The following USP8 variants were observed in gnomAD, a reference collection of about 807,000 sequenced individuals.
The protein encoded by USP8 is ubiquitin specific peptidase 8.
A neutral mutation model predicts 130.0 loss-of-function variants in USP8; 27 were observed. That is an observed-to-expected ratio of 0.21 (90% confidence interval 0.15 to 0.29). The LOEUF is 0.29. USP8 is among the 10% of genes least tolerant of loss of function. USP8 has a pLI of 1.00. For synonymous variants in USP8, 392 were observed against 444.1 expected, an observed-to-expected ratio of 0.88 and a Z score of 1.48; for missense variants, 1,029 against 1,312.2, an observed-to-expected ratio of 0.78 and a Z score of 3.33.
intron 1 of USP8, among the ~76,000 whole-genome samples, chr15:50,435,588 G>A (rs989735665): frequency 6.6e-6 from 1 of 152,100 alleles, no homozygotes; most frequent in South Asian, 2.1e-4. Flanking sequence ...TTTACCTTCT[G>A]TTTGACTTCT....
At chr15:50,498,343 G>A in intron 18 of USP8, 1 of 357,484 alleles carries the variant, frequency 2.8e-6, no homozygotes, top group Non-Finnish European at 5.0e-6. Flanking sequence ...CTGGACCAGA[G>A]TATAGTCCTA....
At position 50,468,480 on chromosome 15, in the gene USP8, T is replaced by A. The variant is rs2051269333; in HGVS notation, c.687-3153T>A. On this transcript the variant is annotated intron_variant, in intron 7 of 19. Coordinates refer to ENST00000307179, the MANE Select transcript of USP8 (RefSeq NM_005154.5). ...CTGGTCTTGAACTCCTGGCCTCAAG[T>A]GATCCACCGGCATCGGCTTCCCAAA... Among the ~76,000 whole-genome samples the A allele has an allele frequency of 3.9e-5, 6 of 152,190 alleles. No individual in the cohort carries two copies. The South Asian group carries it at 1.2e-3, about 32-fold the overall frequency.
chr15:50,449,599 A>G (rs1389055717), intron 4 of USP8, 114 bp downstream of exon 4: 4 of 744,028 alleles, frequency 5.4e-6, no homozygotes, highest in Non-Finnish European at 1.9e-6. Flanking sequence ...TTTTTTTGAG[A>G]CAGAGTCTCG....
intron 1 of USP8, among the ~76,000 whole-genome samples, chr15:50,427,268 G>C (rs995404422): frequency 1.3e-5 from 2 of 152,040 alleles, no homozygotes; most frequent in African/African-American, 4.8e-5. Context: ...AATACTTTAT[G>C]TTGTAATGGC....
rs2052780371 is a variant in USP8, at chr15:50,514,374, A to T, written c.*15286A>T. 1 of 152,100 alleles carries T rather than the reference A, an allele frequency of 6.6e-6. No individual in the cohort carries two copies. Among genetic ancestry groups the T allele is most frequent in the African/African-American group, 2.4e-5 (1 of 41,400 alleles). 9.4% of individuals were successfully genotyped at this position (152,100 alleles called of 1,614,324 possible). ...CAAGTTTTATCCTCATGGTTTGTGTACTTTTCTGTATATATGTTTCACTTC... is the reference window on the plus strand; with the variant it reads ...CAAGTTTTATCCTCATGGTTTGTGTTCTTTTCTGTATATATGTTTCACTTC... On this transcript the variant is annotated 3_prime_UTR_variant, in exon 20 of 20. Transcript: ENST00000307179.
At chr15:50,462,180 C>T in intron 5 of USP8, 100 bp from the exon 6 acceptor site, 2 of 971,010 alleles carry the variant, frequency 2.1e-6, no homozygotes, top group East Asian at 2.6e-5. Flanking sequence ...CTGCACAGTT[C>T]GTTTCTTAGA....
At chr15:50,427,764 G>A (rs1355608807) in intron 1 of USP8, among the ~76,000 whole-genome samples, 1 of 151,682 alleles carries the variant, frequency 6.6e-6, no homozygotes, top group Non-Finnish European at 1.5e-5. Flanking sequence ...TTGCCATGTT[G>A]GCCAGGCTGG....
Position 50,509,056 on chromosome 15 carries a change from C to CA in USP8, c.*9968_*9969insA, listed in dbSNP as rs2052701881. 1 of 86,082 alleles carries CA rather than the reference C, an allele frequency of 1.2e-5. No homozygotes were observed. The highest frequency in any genetic ancestry group is 3.9e-4 in the South Asian group (1 of 2,540). The allele number at this position is 86,082 out of a possible 1,614,324, so 5.3% of individuals were successfully genotyped here. ...GGCTGAGGCAGGAGAATGGCGTGAA[C>CA]CCGGGGTCGGAGCTTGCAGTGAGCC... On this transcript the variant is annotated 3_prime_UTR_variant, in exon 20 of 20. Coordinates refer to ENST00000307179, the MANE Select transcript of USP8 (RefSeq NM_005154.5).
In USP8 at chr15:50,509,130, CACAAAAAAAA is replaced by C. The variant is rs2052704273; in HGVS notation, c.*10044_*10053del. 6.0e-5 allele frequency: 1 copy of C among 16,602 alleles called. No individual in the cohort carries two copies. The highest frequency in any genetic ancestry group is 2.5e-4 in the African/African-American group (1 of 3,952). 1.0% of individuals were successfully genotyped at this position (16,602 alleles called of 1,614,324 possible). A position where few individuals can be genotyped will look rare whatever the true frequency, so the allele number is the denominator to read the frequency against. On this transcript the variant is annotated 3_prime_UTR_variant, in exon 20 of 20. Coordinates refer to ENST00000307179, the MANE Select transcript of USP8 (RefSeq NM_005154.5). ...CCTGGGCGACAGAGCGAGACTCCGT[CACAAAAAAAA>C]AAAAAAAAAAAAAAAAAAAAATTAC...
intron 11 of USP8, among the ~76,000 whole-genome samples, chr15:50,482,285 A>T (rs1342855570): frequency 6.6e-6 from 1 of 152,236 alleles, no homozygotes; most frequent in Non-Finnish European, 1.5e-5. Flanking sequence ...CTTTTTGTAT[A>T]TTACATCTAT....
At chr15:50,484,434 C>A in intron 12 of USP8, 73 bp downstream of exon 12, 1 of 1,178,196 alleles carries the variant, frequency 8.5e-7, no homozygotes, top group Non-Finnish European at 1.2e-6. Context: ...ATTATCTTAC[C>A]ACACTGCTAT....
In USP8 at chr15:50,459,140, A is replaced by T; in HGVS notation, c.476A>T (p.Asp159Val). 3 of 1,608,916 alleles carry T rather than the reference A, an allele frequency of 1.9e-6. No homozygotes were observed. Residue 159 changes from aspartate to valine, a missense_variant, in exon 5 of 20, where the codon GAT (aspartate) becomes GTT (valine). Physicochemically the swap from Asp to Val is radical, Grantham distance 152 (BLOSUM62 -3). This residue lies in a region of USP8 where 281 missense variants were observed against 336.7 expected (regional missense o/e 0.83). Transcript: ENST00000307179. ...AAAGGCTCTTTGGAGAATGTTTTGG[A>T]TTCCAAAGACAAAACCCAAAAGGTA... ...LAKGSLENVLDSKDKTQKSNG... is the reference protein window; with the variant it reads ...LAKGSLENVLVSKDKTQKSNG...
intron 4 of USP8, among the ~76,000 whole-genome samples, chr15:50,450,323 T>C (rs933112957): frequency 6.6e-5 from 10 of 152,168 alleles, no homozygotes; most frequent in African/African-American, 2.4e-4. Flanking sequence ...ACTGTTACTT[T>C]TGATCTGCTT....
Position 50,505,993 on chromosome 15 carries a change from G to C in USP8, c.*6905G>C, listed in dbSNP as rs564689580. 5.6e-4 allele frequency: 86 copies of C among 152,366 alleles called. No individual in the cohort carries two copies. The highest frequency in any genetic ancestry group is 2.0e-3 in the African/African-American group (82 of 41,574). 9.4% of individuals were successfully genotyped at this position (152,366 alleles called of 1,614,324 possible). On this transcript the variant is annotated 3_prime_UTR_variant, in exon 20 of 20. Coordinates refer to ENST00000307179, the MANE Select transcript of USP8 (RefSeq NM_005154.5). ...AAGATGCTGAAAACAGTAGTTCAGT[G>C]ATCAGAATTACAGTGTTCTAAGAGC... is the stretch of plus-strand genomic sequence containing the variant.
intron 16 of USP8, among the ~76,000 whole-genome samples, chr15:50,495,571 G>A (rs567238693): frequency 6.6e-6 from 1 of 151,910 alleles, no homozygotes; most frequent in Non-Finnish European, 1.5e-5. Context: ...CAGAATGCTG[G>A]GATTACAAGC....
chr15:50,454,413 A>T (rs1207014816), intron 4 of USP8, among the ~76,000 whole-genome samples: 26 of 148,824 alleles, frequency 1.7e-4, no homozygotes, highest in Admixed American at 1.7e-3. Context: ...GTTTTGTTTT[A>T]ATCATTTTCT....
intron 15 of USP8, chr15:50,493,154 G>C: frequency 3.4e-6 from 2 of 591,150 alleles, no homozygotes; most frequent in Admixed American, 4.3e-5. Context: ...AAAGAGGACA[G>C]ACTCGTCCTG....
intron 4 of USP8, among the ~76,000 whole-genome samples, chr15:50,450,161 C>T (rs2050580783): frequency 6.6e-6 from 1 of 152,072 alleles, no homozygotes; most frequent in Non-Finnish European, 1.5e-5. Context: ...TCCCAAAGTG[C>T]TGAGATTACA....
At chr15:50,468,235 C>G (rs867408144) in intron 7 of USP8, among the ~76,000 whole-genome samples, 5 of 105,516 alleles carry the variant, frequency 4.7e-5, no homozygotes, top group Non-Finnish European at 7.7e-5. Context: ...TGTACCTGGC[C>G]TTTTTTTTTT....
Sources: allele counts gnomAD v4.1 joint callset (sites outside exome capture counted in the v4.1 genomes callset), GRCh38; gene constraint gnomAD v4.1.1; regional missense constraint gnomAD v4.1.1; transcripts MANE v1.5; gene names NCBI Gene and HGNC (gene_info 2026-07-23, HGNC 2026-07-21).